ZNF487: variants seen among roughly 807,000 people sequenced by gnomAD.
The protein encoded by ZNF487 is zinc finger protein 487.
A neutral mutation model predicts 3.0 loss-of-function variants in ZNF487; 4 were observed. The observed-to-expected ratio is 1.35, with a 90% CI of 0.66 to 3.08. The LOEUF (loss-of-function observed/expected upper bound fraction) is 3.08, where lower values mean the gene tolerates loss of function less well. Ranked by LOEUF, ZNF487 falls within the 30% of genes most tolerant of loss-of-function variation. ZNF487 has a pLI of 0.01. For synonymous variants in ZNF487, 55 were observed against 34.6 expected, an observed-to-expected ratio of 1.59 and a Z score of -2.06; for missense variants, 146 against 98.7, an observed-to-expected ratio of 1.48 and a Z score of -2.03.
chr10:43,510,231 T>C, the ZNF487 span, among the ~76,000 whole-genome samples: 1 of 152,226 alleles, frequency 6.6e-6, no homozygotes, highest in Non-Finnish European at 1.5e-5. Context: ...TAGCTGGTAT[T>C]GATGACTACC....
At chr10:43,467,244 G>A (rs1044056611) in intron 1 of ZNF487, among the ~76,000 whole-genome samples, 1 of 151,660 alleles carries the variant, frequency 6.6e-6, no homozygotes, top group Non-Finnish European at 1.5e-5. Context: ...TTGCTGTGTC[G>A]CCCAGGCTGG....
At position 43,481,891 on chromosome 10, in the gene ZNF487, A is replaced by G. The variant is rs1841377843; in HGVS notation, c.593A>G (p.His198Arg). 1 of 693,164 alleles carries G rather than the reference A, an allele frequency of 1.4e-6. No homozygotes were observed. Among genetic ancestry groups the G allele is most frequent in the Middle Eastern group, 2.3e-4 (1 of 4,316 alleles). The allele number at this position is 693,164 out of a possible 1,614,324, so 42.9% of individuals were successfully genotyped here. A position where few individuals can be genotyped will look rare whatever the true frequency, so the allele number is the denominator to read the frequency against. ...AFHEEAACSTHKRVCSWETL is the reference protein window; with the variant it reads ...AFHEEAACSTRKRVCSWETL ...CATGAAGAGGCAGCCTGCAGTACCCATAAGAGAGTGTGCTCATGGGAGACC... is the reference window on the plus strand; with the variant it reads ...CATGAAGAGGCAGCCTGCAGTACCCGTAAGAGAGTGTGCTCATGGGAGACC... Residue 198 changes from histidine (H) to arginine (R), a missense_variant, in exon 4 of 4, where the codon CAT (histidine) becomes CGT (arginine). Transcript: ENST00000437590.
chr10:43,498,595 T>C, the ZNF487 span, among the ~76,000 whole-genome samples: 2 of 151,618 alleles, frequency 1.3e-5, no homozygotes, highest in Non-Finnish European at 2.9e-5. Context: ...CTATAATTTA[T>C]TGAGTTGGCG....
chr10:43,450,690 T>C (rs997680026), intron 1 of ZNF487, among the ~76,000 whole-genome samples: 1 of 152,132 alleles, frequency 6.6e-6, no homozygotes, highest in African/African-American at 2.4e-5. Flanking sequence ...GGTGTGTGAA[T>C]GCCTTTTTAT....
At chr10:43,441,408 G>A (rs1161250941) in intron 1 of ZNF487, among the ~76,000 whole-genome samples, 2 of 151,924 alleles carry the variant, frequency 1.3e-5, no homozygotes, top group African/African-American at 2.4e-5. Context: ...TGGGACTACA[G>A]ACACCTGCCA....
At chr10:43,447,250 A>AT (rs1554795444) in intron 1 of ZNF487, among the ~76,000 whole-genome samples, 6 of 149,292 alleles carry the variant, frequency 4.0e-5, no homozygotes, top group South Asian at 4.3e-4. Context: ...GGAGAACAAC[A>AT]TTTTTTTTTT....
At chr10:43,497,751 A>G in the ZNF487 span, among the ~76,000 whole-genome samples, 1 of 151,922 alleles carries the variant, frequency 6.6e-6, no homozygotes, top group Non-Finnish European at 1.5e-5. Context: ...GAAGATCATG[A>G]GGTCAGGAGA....
At chr10:43,449,322 T>C (rs1839924841) in intron 1 of ZNF487, among the ~76,000 whole-genome samples, 1 of 151,846 alleles carries the variant, frequency 6.6e-6, no homozygotes, top group Non-Finnish European at 1.5e-5. Flanking sequence ...CAACTGTATA[T>C]CTAATGGTAC....
chr10:43,510,962 C>T, the ZNF487 span, among the ~76,000 whole-genome samples: 1 of 152,160 alleles, frequency 6.6e-6, no homozygotes, highest in African/African-American at 2.4e-5. Flanking sequence ...GTGTTCCTCC[C>T]TATGGAACTA....
At chr10:43,451,658 C>T (rs1179457901) in intron 1 of ZNF487, among the ~76,000 whole-genome samples, 1 of 145,646 alleles carries the variant, frequency 6.9e-6, no homozygotes, top group Non-Finnish European at 1.5e-5. Context: ...CTCCACCTCC[C>T]GGGTTCAAGC....
chr10:43,447,066 A>G (rs1839837896), intron 1 of ZNF487, among the ~76,000 whole-genome samples: 1 of 151,462 alleles, frequency 6.6e-6, no homozygotes, highest in Admixed American at 6.6e-5. Flanking sequence ...GCGTGCCCCT[A>G]CAATCCCAGG....
intron 1 of ZNF487, among the ~76,000 whole-genome samples, chr10:43,451,598 T>C (rs1372742732): frequency 1.3e-5 from 2 of 151,252 alleles, no homozygotes; most frequent in Admixed American, 6.6e-5. Context: ...GGAGTTTTGC[T>C]CTTGTTGCCC....
the ZNF487 span, among the ~76,000 whole-genome samples, chr10:43,492,402 A>T: frequency 6.6e-6 from 1 of 151,630 alleles, no homozygotes; most frequent in Admixed American, 6.6e-5. Flanking sequence ...CATAGGTACT[A>T]CCAGTTACTG....
chr10:43,438,199 A>T (rs918808680), intron 1 of ZNF487, among the ~76,000 whole-genome samples: 3 of 151,898 alleles, frequency 2.0e-5, no homozygotes, highest in South Asian at 2.1e-4. Context: ...ATATATATAT[A>T]TTTTGAGGTG....
chr10:43,499,114 A>G, the ZNF487 span, among the ~76,000 whole-genome samples: 50 of 152,348 alleles, frequency 3.3e-4, no homozygotes, highest in Non-Finnish European at 3.4e-4. Context: ...GTTAAGAAAT[A>G]TGCATGGTAA....
chr10:43,479,734 G>A (rs762992227), intron 3 of ZNF487, among the ~76,000 whole-genome samples: 12 of 151,776 alleles, frequency 7.9e-5, no homozygotes, highest in East Asian at 3.9e-4. Flanking sequence ...TGCAACCTCC[G>A]CCTCTCGGGT....
chr10:43,488,793 CAAAG>C, the ZNF487 span, among the ~76,000 whole-genome samples: 50 of 152,176 alleles, frequency 3.3e-4, no homozygotes, highest in African/African-American at 1.1e-3. Flanking sequence ...GGGTTTATAT[CAAAG>C]AAAGTATGGC....
chr10:43,439,204 T>G (rs1839487939), intron 1 of ZNF487, among the ~76,000 whole-genome samples: 1 of 152,002 alleles, frequency 6.6e-6, no homozygotes, highest in Admixed American at 6.6e-5. Flanking sequence ...ATCACGCCAC[T>G]GCACTCCAGC....
the ZNF487 span, among the ~76,000 whole-genome samples, chr10:43,493,460 C>T: frequency 1.3e-5 from 2 of 151,398 alleles, no homozygotes; most frequent in East Asian, 2.0e-4. Flanking sequence ...TTTGGGAAGC[C>T]GAAGAGGGTG....
Sources: allele counts gnomAD v4.1 joint callset (sites outside exome capture counted in the v4.1 genomes callset), GRCh38; gene constraint gnomAD v4.1.1; transcripts MANE v1.5; gene names NCBI Gene and HGNC (gene_info 2026-07-23, HGNC 2026-07-21).